The following EIPR1 variants were observed in gnomAD, a reference collection of about 807,000 sequenced individuals.
EIPR1 encodes the protein EARP and GARP complex-interacting protein 1.
A neutral mutation model predicts 48.1 loss-of-function variants in EIPR1; 25 were observed. The ratio of observed to expected loss-of-function variants is 0.52; its 90% CI spans 0.38 to 0.73. The LOEUF (loss-of-function observed/expected upper bound fraction) is 0.73, where lower values mean the gene tolerates loss of function less well. Among genes scored for constraint, EIPR1 ranks in the 30% least tolerant of loss-of-function variants. EIPR1 has a pLI of 0.00. For synonymous variants in EIPR1, 204 were observed against 201.9 expected, an observed-to-expected ratio of 1.01 and a Z score of -0.09; for missense variants, 415 against 506.2, an observed-to-expected ratio of 0.82 and a Z score of 1.73.
chr2:3,272,528 T>C (rs1408649295), intron 3 of EIPR1, among the ~76,000 whole-genome samples: 1 of 152,134 alleles, frequency 6.6e-6, no homozygotes, highest in Non-Finnish European at 1.5e-5. Flanking sequence ...CAGAGAGGCC[T>C]GAGGAAAGAG....
intron 4 of EIPR1, among the ~76,000 whole-genome samples, chr2:3,216,946 T>C (rs1003072882): frequency 3.9e-5 from 6 of 152,200 alleles, no homozygotes; most frequent in South Asian, 4.1e-4. Context: ...CTGAACAACT[T>C]TGAAGCTTCG....
chr2:3,330,036 T>A (rs1669838667), intron 3 of EIPR1, among the ~76,000 whole-genome samples: 1 of 152,252 alleles, frequency 6.6e-6, no homozygotes, highest in African/African-American at 2.4e-5. Flanking sequence ...CATTCTCTAA[T>A]GATCTTGCGG....
chr2:3,360,718 C>T (rs1670831265), intron 1 of EIPR1, among the ~76,000 whole-genome samples: 1 of 152,172 alleles, frequency 6.6e-6, no homozygotes, highest in African/African-American at 2.4e-5. Context: ...TCCATTAAAG[C>T]TTTGCTATCA....
intron 4 of EIPR1, among the ~76,000 whole-genome samples, chr2:3,231,206 C>A (rs1369866326): frequency 2.0e-5 from 3 of 152,162 alleles, no homozygotes; most frequent in Non-Finnish European, 2.9e-5. Context: ...TTGTATCCTG[C>A]AACTTTACTG....
chr2:3,377,550 A>C (rs1659935947), intron 1 of EIPR1, 98 bp downstream of exon 1: 1 of 1,455,232 alleles, frequency 6.9e-7, no homozygotes, highest in Non-Finnish European at 9.4e-7. Flanking sequence ...GGGTCCTTGC[A>C]GGGCTGGTGG....
chr2:3,228,050 C>CAGCCTAGTGAAGCTGTG (rs1558236871), intron 4 of EIPR1, among the ~76,000 whole-genome samples: 1 of 152,266 alleles, frequency 6.6e-6, no homozygotes, highest in African/African-American at 2.4e-5. Flanking sequence ...CACTGGGGCA[C>CAGCCTAGTGAAGCTGTG]AGCCTAGTGA....
At chr2:3,203,827 T>C (rs759223970) in intron 5 of EIPR1, among the ~76,000 whole-genome samples, 1 of 152,232 alleles carries the variant, frequency 6.6e-6, no homozygotes, top group Non-Finnish European at 1.5e-5. Context: ...GGCCAGGAGC[T>C]GAGGGCGGCC....
intron 3 of EIPR1, among the ~76,000 whole-genome samples, chr2:3,314,017 C>T (rs1257695570): frequency 6.6e-6 from 1 of 152,316 alleles, no homozygotes. Flanking sequence ...CTAGCTGACC[C>T]AGCCCCCCTC....
intron 3 of EIPR1, among the ~76,000 whole-genome samples, chr2:3,258,019 G>A (rs567170959): frequency 1.3e-5 from 2 of 152,316 alleles, no homozygotes; most frequent in South Asian, 4.1e-4. Flanking sequence ...CTGGAGCCCT[G>A]GTGGGCAGCA....
At chr2:3,257,508 T>C (rs188430973) in intron 3 of EIPR1, 53 bp from the exon 4 acceptor site, 7 of 1,594,516 alleles carry the variant, frequency 4.4e-6, no homozygotes, top group East Asian at 2.2e-5. Context: ...GTGCCCCGCA[T>C]TCTGCAGACA....
chr2:3,345,484 G>T (rs967568766), intron 2 of EIPR1, among the ~76,000 whole-genome samples: 1 of 151,948 alleles, frequency 6.6e-6, no homozygotes, highest in Non-Finnish European at 1.5e-5. Context: ...AATTAGCCGG[G>T]CATGGTGGTG....
intron 3 of EIPR1, among the ~76,000 whole-genome samples, chr2:3,285,671 C>G (rs941740202): frequency 2.0e-5 from 3 of 150,418 alleles, no homozygotes; most frequent in Admixed American, 6.6e-5. Flanking sequence ...TCTCCGGGAC[C>G]CTCGCACGGA....
intron 2 of EIPR1, among the ~76,000 whole-genome samples, chr2:3,342,623 C>T (rs1670286012): frequency 6.6e-6 from 1 of 152,224 alleles, no homozygotes; most frequent in South Asian, 2.1e-4. Context: ...TGTTTTCCTT[C>T]TTGTGAAGAC....
chr2:3,366,768 C>T (rs1348243530), intron 1 of EIPR1, among the ~76,000 whole-genome samples: 3 of 152,154 alleles, frequency 2.0e-5, no homozygotes, highest in Non-Finnish European at 4.4e-5. Flanking sequence ...TTAAAATTTT[C>T]AACTGGCCGG....
At chr2:3,254,035 T>C (rs976143364) in intron 4 of EIPR1, among the ~76,000 whole-genome samples, 3 of 152,108 alleles carry the variant, frequency 2.0e-5, no homozygotes, top group Non-Finnish European at 4.4e-5. Context: ...CTTTGTGCAG[T>C]AAACATCTCC....
At chr2:3,339,895 A>G (rs1670181656) in intron 2 of EIPR1, among the ~76,000 whole-genome samples, 1 of 152,224 alleles carries the variant, frequency 6.6e-6, no homozygotes, top group Non-Finnish European at 1.5e-5. Flanking sequence ...GCCTGCAGTG[A>G]GCCGAGATGG....
Position 3,197,028 on chromosome 2 carries a change from C to T in EIPR1, c.517-11G>A. On this transcript the variant is annotated splice_polypyrimidine_tract_variant and intron_variant, in intron 5 of 8. Transcript: ENST00000382125. ...CGCTGAGCTGGCCAGCTGGGAGTGTCACGATGTTTTCCAAAGGAAGAAGAA... is the reference window on the plus strand; with the variant it reads ...CGCTGAGCTGGCCAGCTGGGAGTGTTACGATGTTTTCCAAAGGAAGAAGAA... 1 of 1,612,768 alleles carries T rather than the reference C, an allele frequency of 6.2e-7. No homozygotes were observed. Among genetic ancestry groups the T allele is most frequent in the Non-Finnish European group, 8.5e-7 (1 of 1,179,612 alleles).
intron 5 of EIPR1, among the ~76,000 whole-genome samples, chr2:3,198,914 G>A (rs1221889830): frequency 6.6e-6 from 1 of 152,088 alleles, no homozygotes; most frequent in East Asian, 1.9e-4. Flanking sequence ...CAGGGTTCAA[G>A]AGCAGAGAAC....
At position 3,219,333 on chromosome 2, in the gene EIPR1, GGT is replaced by G. The variant is rs1665779773; in HGVS notation, c.417-5087_417-5086del. On this transcript the variant is annotated intron_variant, in intron 4 of 8. Coordinates refer to ENST00000382125, the MANE Select transcript of EIPR1 (RefSeq NM_003310.5). ...TCAGGTGCACACTCAACACGACCCTGGTATAATCTAGAGCATTCACAGTGACT... is the reference window on the plus strand; with the variant it reads ...TCAGGTGCACACTCAACACGACCCTGATAATCTAGAGCATTCACAGTGACT... Among the ~76,000 whole-genome samples the G allele has an allele frequency of 5.2e-5, 2 of 38,204 alleles. 1 individual carries two copies. Among genetic ancestry groups the G allele is most frequent in the Admixed American group, 5.7e-4 (2 of 3,510 alleles). 25.1% of individuals were successfully genotyped at this position (38,204 alleles called of 152,430 possible). A position where few individuals can be genotyped will look rare whatever the true frequency, so the allele number is the denominator to read the frequency against.
Sources: gnomAD v4.1 joint callset for allele counts (sites outside exome capture counted in the v4.1 genomes callset) on GRCh38, gnomAD v4.1.1 for gene constraint, MANE v1.5 for transcripts, NCBI Gene and HGNC (gene_info 2026-07-23, HGNC 2026-07-21) for gene names.